The following TDRD3 variants were observed in gnomAD, a reference collection of about 807,000 sequenced individuals.
The protein encoded by TDRD3 is tudor domain-containing protein 3.
TDRD3 carries 45 observed loss-of-function variants against 86.7 expected under a neutral mutation model. That is an observed-to-expected ratio of 0.52 (90% CI 0.41 to 0.67). The LOEUF is 0.67. Among genes scored for constraint, TDRD3 ranks in the 30% least tolerant of loss-of-function variants. The pLI, the probability that TDRD3 is intolerant of heterozygous loss-of-function variation, is 0.00. For synonymous variants in TDRD3, 298 were observed against 301.7 expected, an observed-to-expected ratio of 0.99 and a Z score of 0.13; for missense variants, 814 against 889.0, an observed-to-expected ratio of 0.92 and a Z score of 1.07.
chr13:60,415,588 A>G (rs772786171), intron 1 of TDRD3, among the ~76,000 whole-genome samples: 1 of 152,148 alleles, frequency 6.6e-6, no homozygotes, highest in Admixed American at 6.5e-5. Flanking sequence ...TCATTCACAC[A>G]CTTAAAGAAT....
At chr13:60,571,969 T>G (rs1958595041) in intron 13 of TDRD3, among the ~76,000 whole-genome samples, 1 of 152,238 alleles carries the variant, frequency 6.6e-6, no homozygotes, top group Non-Finnish European at 1.5e-5. Context: ...TTCTAGTTCC[T>G]GGACACTGTC....
At chr13:60,405,129 C>T (rs1954203625) in intron 1 of TDRD3, among the ~76,000 whole-genome samples, 1 of 152,094 alleles carries the variant, frequency 6.6e-6, no homozygotes, top group South Asian at 2.1e-4. Context: ...ATGTCTTTAT[C>T]AGCAGCATGA....
chr13:60,485,703 A>T (rs894713820), intron 6 of TDRD3, 96 bp from the exon 7 acceptor site: 2 of 997,398 alleles, frequency 2.0e-6, no homozygotes, highest in African/African-American at 3.3e-5. Context: ...CTATTGTAAA[A>T]GATACAAGAT....
At chr13:60,554,281 G>A (rs1958135839) in intron 12 of TDRD3, among the ~76,000 whole-genome samples, 4 of 152,170 alleles carry the variant, frequency 2.6e-5, no homozygotes, top group Admixed American at 2.6e-4. Context: ...CTTATTCAAA[G>A]ATAATGAAAG....
intron 1 of TDRD3, among the ~76,000 whole-genome samples, chr13:60,409,067 T>C (rs1954299385): frequency 6.6e-6 from 1 of 152,212 alleles, no homozygotes; most frequent in African/African-American, 2.4e-5. Context: ...GGGGCCAACA[T>C]ATAGCTTGGG....
intron 8 of TDRD3, among the ~76,000 whole-genome samples, chr13:60,496,807 A>G (rs961026450): frequency 1.6e-4 from 25 of 152,116 alleles, no homozygotes; most frequent in Admixed American, 1.6e-3. Context: ...TAAGAGTCTT[A>G]TTGTTACTGG....
intron 2 of TDRD3, among the ~76,000 whole-genome samples, chr13:60,442,868 T>C (rs563989263): frequency 2.0e-5 from 3 of 152,070 alleles, no homozygotes; most frequent in African/African-American, 7.2e-5. Context: ...TGGATCAAAG[T>C]TTAGGATTTT....
In TDRD3 at chr13:60,507,385, G is replaced by A. The variant is rs1251985183; in HGVS notation, c.859-2378G>A. Reference sequence around the variant, plus strand: ...CAGAACTCTCCACCTCTAATCAAGAGCATATACATTTTTCTCAGCACTATG... The same window carrying A: ...CAGAACTCTCCACCTCTAATCAAGAACATATACATTTTTCTCAGCACTATG... On this transcript the variant is annotated intron_variant, in intron 8 of 13. Coordinates refer to ENST00000377881, the MANE Select transcript of TDRD3 (RefSeq NM_001146070.2). Among the ~76,000 whole-genome samples the A allele has an allele frequency of 2.0e-5, 3 of 152,124 alleles. No individual in the cohort carries two copies. The South Asian group carries it at 6.2e-4, about 32-fold the overall frequency.
rs181166405 is a variant in TDRD3, at chr13:60,434,596, C to T, written c.42-5092C>T. On this transcript the variant is annotated intron_variant, in intron 1 of 13. Coordinates refer to ENST00000377881, the MANE Select transcript of TDRD3 (RefSeq NM_001146070.2). ...AATGCAGAAATTTAGCCTTTTAATG[C>T]CCTGCTTGTCAGTAAAATGTATTCA... Among the ~76,000 whole-genome samples the T allele has an allele frequency of 4.3e-3, 655 of 152,006 alleles. 4 individuals carry two copies. The highest frequency in any genetic ancestry group is 6.8e-3 in the Middle Eastern group (2 of 294).
intron 2 of TDRD3, among the ~76,000 whole-genome samples, chr13:60,440,177 G>T (rs1955225130): frequency 6.6e-6 from 1 of 151,954 alleles, no homozygotes; most frequent in Admixed American, 6.6e-5. Context: ...AACTTTTCAT[G>T]ATGATAGAAA....
At chr13:60,443,254 T>A (rs1955325235) in intron 2 of TDRD3, among the ~76,000 whole-genome samples, 1 of 152,026 alleles carries the variant, frequency 6.6e-6, no homozygotes, top group Non-Finnish European at 1.5e-5. Flanking sequence ...TAGGGAAGGC[T>A]GGTGTAAGAA....
At chr13:60,487,490 T>TA (rs77132963) in intron 7 of TDRD3, among the ~76,000 whole-genome samples, 13 of 148,606 alleles carry the variant, frequency 8.7e-5, no homozygotes, top group Non-Finnish European at 1.5e-4. Flanking sequence ...AAATAAAAAT[T>TA]AAAAAAAAAA....
intron 8 of TDRD3, among the ~76,000 whole-genome samples, chr13:60,498,399 C>T (rs1956762967): frequency 6.6e-6 from 1 of 152,192 alleles, no homozygotes; most frequent in South Asian, 2.1e-4. Context: ...CAAGGTTAAG[C>T]GTGGCTACTG....
chr13:60,480,981 G>GA (rs1956299128), intron 5 of TDRD3, among the ~76,000 whole-genome samples: 1 of 152,104 alleles, frequency 6.6e-6, no homozygotes, highest in African/African-American at 2.4e-5. Flanking sequence ...GGCACCACAG[G>GA]AGGGGGGCAT....
At chr13:60,519,193 A>G (rs1301847461) in intron 10 of TDRD3, among the ~76,000 whole-genome samples, 1 of 152,168 alleles carries the variant, frequency 6.6e-6, no homozygotes, top group Non-Finnish European at 1.5e-5. Context: ...CCGTTCGCTT[A>G]TACATTTATT....
At chr13:60,520,764 T>C (rs1186972792) in intron 10 of TDRD3, among the ~76,000 whole-genome samples, 3 of 152,140 alleles carry the variant, frequency 2.0e-5, no homozygotes, top group Non-Finnish European at 4.4e-5. Context: ...GTAACTATGA[T>C]GAGTAACAGT....
intron 1 of TDRD3, among the ~76,000 whole-genome samples, chr13:60,422,183 C>T (rs1954675739): frequency 6.6e-6 from 1 of 151,998 alleles, no homozygotes. Context: ...AAGGCGTTTC[C>T]TTTGGCAATT....
At chr13:60,468,726 C>T (rs1200724123) in intron 5 of TDRD3, among the ~76,000 whole-genome samples, 1 of 151,996 alleles carries the variant, frequency 6.6e-6, no homozygotes, top group African/African-American at 2.4e-5. Flanking sequence ...TCTGTTATAC[C>T]AGAGTAGCCT....
intron 12 of TDRD3, among the ~76,000 whole-genome samples, chr13:60,562,682 C>T (rs900340119): frequency 2.6e-4 from 40 of 152,166 alleles, no homozygotes; most frequent in African/African-American, 8.9e-4. Context: ...GCAGAGTACA[C>T]TGAATTTCAT....
Sources: allele counts gnomAD v4.1 joint callset (sites outside exome capture counted in the v4.1 genomes callset), GRCh38; gene constraint gnomAD v4.1.1; transcripts MANE v1.5; gene names NCBI Gene and HGNC (gene_info 2026-07-23, HGNC 2026-07-21).